The following FAT3 variants were observed in gnomAD, a reference collection of about 807,000 sequenced individuals.
FAT3 encodes the protein FAT atypical cadherin 3, also known as protocadherin Fat 3.
Under a neutral mutation model 310.2 loss-of-function variants are expected in FAT3, and 95 were observed. That is an observed-to-expected ratio of 0.31 (90% confidence interval 0.26 to 0.36). The LOEUF is 0.36. Ranked by LOEUF, FAT3 falls within the 10% of genes least tolerant of loss-of-function variation. The pLI is 1.00. For synonymous variants in FAT3, 2,314 were observed against 2,192.9 expected (o/e 1.06, Z -1.54); for missense variants, 5,408 against 5,715.6 (o/e 0.95, Z 1.74).
At chr11:92,411,750 A>C (rs1950274230) in intron 2 of FAT3, among the ~76,000 whole-genome samples, 1 of 150,666 alleles carries the variant, frequency 6.6e-6, no homozygotes, top group African/African-American at 2.4e-5. Flanking sequence ...TGAAAGATTT[A>C]TTTTTTCTGA....
intron 3 of FAT3, among the ~76,000 whole-genome samples, chr11:92,640,248 T>C (rs1166883614): frequency 1.3e-5 from 2 of 152,102 alleles, no homozygotes; most frequent in Admixed American, 6.5e-5. Flanking sequence ...TCAGGAGCTT[T>C]TGGGCCAAGC....
intron 1 of FAT3, among the ~76,000 whole-genome samples, chr11:92,254,192 ACGCTGCCTT>A (rs1470234284): frequency 6.6e-6 from 1 of 152,148 alleles, no homozygotes; most frequent in African/African-American, 2.4e-5. Context: ...AAGCCCAGCA[ACGCTGCCTT>A]CTGTCATCTA....
At chr11:92,402,364 G>A (rs982898080) in intron 2 of FAT3, among the ~76,000 whole-genome samples, 6 of 152,064 alleles carry the variant, frequency 3.9e-5, no homozygotes, top group South Asian at 2.1e-4. Flanking sequence ...CATAAATGAC[G>A]GATAATGTTT....
chr11:92,648,033 T>A (rs1229137699), intron 3 of FAT3, among the ~76,000 whole-genome samples: 1 of 152,142 alleles, frequency 6.6e-6, no homozygotes, highest in Admixed American at 6.6e-5. Context: ...AGGATTTCAG[T>A]AGGAATTCAC....
At chr11:92,742,913 T>G (rs960917048) in intron 4 of FAT3, among the ~76,000 whole-genome samples, 4 of 152,226 alleles carry the variant, frequency 2.6e-5, no homozygotes, top group African/African-American at 9.6e-5. Context: ...TGATTAAAAC[T>G]GTAGGTGTAG....
At chr11:92,513,312 C>G (rs1953369151) in intron 2 of FAT3, among the ~76,000 whole-genome samples, 1 of 152,084 alleles carries the variant, frequency 6.6e-6, no homozygotes, top group South Asian at 2.1e-4. Context: ...TAACTGTTAC[C>G]ACACACTGTG....
intron 2 of FAT3, among the ~76,000 whole-genome samples, chr11:92,363,021 C>T (rs896406609): frequency 1.3e-5 from 2 of 152,286 alleles, no homozygotes; most frequent in East Asian, 3.9e-4. Context: ...GCTAAAGAAC[C>T]TGTGTCCTCA....
At position 92,435,468 on chromosome 11, in the gene FAT3, ATCCTTCCTTCCTTCCT is replaced by A. The variant is rs371109407; in HGVS notation, c.3292+80102_3292+80117del. On this transcript the variant is annotated intron_variant, in intron 2 of 27. Transcript: ENST00000525166. The stretch of plus-strand genomic sequence containing the variant: ...TATTTCTTCACATTTTCTTTTATTT[ATCCTTCCTTCCTTCCT>A]TCCTTCCTTCCTTCCTTCCTTCCTT... 4.8e-3 allele frequency among the ~76,000 whole-genome samples: 517 copies of A among 108,034 alleles called. 9 individuals are homozygous for A. The highest frequency in any genetic ancestry group is 0.015 in the African/African-American group (472 of 30,716). The allele number at this position is 108,034 out of a possible 152,430, so 70.9% of individuals were successfully genotyped here. A position where few individuals can be genotyped will look rare whatever the true frequency, so the allele number is the denominator to read the frequency against.
chr11:92,855,670 T>G (rs561784185), intron 19 of FAT3, among the ~76,000 whole-genome samples: 44 of 152,288 alleles, frequency 2.9e-4, no homozygotes, highest in African/African-American at 1.0e-3. Context: ...CAGATTTGGT[T>G]GGGGAGGAAA....
intron 21 of FAT3, among the ~76,000 whole-genome samples, chr11:92,866,231 A>G (rs1267279581): frequency 1.3e-5 from 2 of 152,140 alleles, no homozygotes. Context: ...TTATTTGATT[A>G]ATGGCCACCT....
At chr11:92,526,439 T>A (rs1195493488) in intron 3 of FAT3, among the ~76,000 whole-genome samples, 4 of 152,182 alleles carry the variant, frequency 2.6e-5, no homozygotes, top group Non-Finnish European at 2.9e-5. Flanking sequence ...CCCAGTCAGA[T>A]TCTGCTTCTT....
intron 19 of FAT3, among the ~76,000 whole-genome samples, chr11:92,848,583 G>A (rs1432412411): frequency 6.6e-6 from 1 of 152,250 alleles, no homozygotes; most frequent in African/African-American, 2.4e-5. Context: ...CAGTTGGATG[G>A]ACTGCCAGTG....
chr11:92,289,052 T>C (rs552023612), intron 1 of FAT3, among the ~76,000 whole-genome samples: 3 of 152,106 alleles, frequency 2.0e-5, no homozygotes, highest in Admixed American at 6.5e-5. Flanking sequence ...TGGCTGGGGG[T>C]CAGAGGACTA....
In FAT3 at chr11:92,800,759, T is replaced by C. The variant is rs1319080122; in HGVS notation, c.7746T>C (p.Thr2582=). Residue 2582 remains threonine, a synonymous_variant, in exon 10 of 28, where the codon ACT becomes ACC. Coordinates refer to ENST00000525166, the MANE Select transcript of FAT3 (RefSeq NM_001367949.2). ...CCCTTGATGGTGGAGGGAGAACAAC[T>C]TTCTGCACTGTGAGAGTGATTGTTG... The part of the protein sequence containing the change: ...VRALDGGGRT[T]FCTVRVIVVD... The C allele has an allele frequency of 1.9e-6, 3 of 1,613,832 alleles. No individual in the cohort carries two copies. Among genetic ancestry groups the C allele is most frequent in the Non-Finnish European group, 2.5e-6 (3 of 1,179,880 alleles).
At chr11:92,619,895 C>T (rs560583020) in intron 3 of FAT3, among the ~76,000 whole-genome samples, 1 of 151,992 alleles carries the variant, frequency 6.6e-6, no homozygotes, top group South Asian at 2.1e-4. Flanking sequence ...ATTTGCTCTT[C>T]CTTTTTCACT....
chr11:92,756,036 G>A (rs1945981442), intron 4 of FAT3, among the ~76,000 whole-genome samples: 1 of 152,216 alleles, frequency 6.6e-6, no homozygotes, highest in African/African-American at 2.4e-5. Context: ...TTCATTCTCT[G>A]TGGAGCTCAG....
In FAT3 at chr11:92,314,263, T is replaced by G. The variant is rs186553662; in HGVS notation, c.-17-37833T>G. On this transcript the variant is annotated intron_variant, in intron 1 of 27. Coordinates refer to ENST00000525166, the MANE Select transcript of FAT3 (RefSeq NM_001367949.2). ...ATTAAGGTCATTGGATCATTTGATT[T>G]TTAACAGATTCTAAGGTTCAGATGA... 8.1e-5 allele frequency: 79 copies of G among 980,950 alleles called. No homozygotes were observed. The African/African-American group carries it at 1.3e-3, about 16-fold the overall frequency. 60.8% of individuals were successfully genotyped at this position (980,950 alleles called of 1,614,324 possible).
intron 3 of FAT3, among the ~76,000 whole-genome samples, chr11:92,556,214 A>G (rs2135454701): frequency 6.6e-6 from 1 of 152,324 alleles, no homozygotes; most frequent in South Asian, 2.1e-4. Flanking sequence ...ACCTGGAGGA[A>G]GAGGATTCAA....
chr11:92,554,461 C>A (rs1954939213), intron 3 of FAT3, among the ~76,000 whole-genome samples: 3 of 55,026 alleles, frequency 5.5e-5, no homozygotes, highest in African/African-American at 2.5e-4. Flanking sequence ...GACTCCATCT[C>A]AAAAAAAAAA....
Sources: allele counts gnomAD v4.1 joint callset (sites outside exome capture counted in the v4.1 genomes callset), GRCh38; gene constraint gnomAD v4.1.1; transcripts MANE v1.5; gene names NCBI Gene and HGNC (gene_info 2026-07-23, HGNC 2026-07-21).